The following BCL2 variants were observed in gnomAD, a reference collection of about 807,000 sequenced individuals.
BCL2 encodes the protein apoptosis regulator Bcl-2.
In BCL2, 1 loss-of-function variant was observed where a neutral mutation model predicts 14.2. That is an observed-to-expected ratio of 0.07 (90% CI 0.02 to 0.33). BCL2 has a LOEUF of 0.33. BCL2 is among the 10% of genes least tolerant of loss of function. The pLI is 0.99. For synonymous variants in BCL2, 151 were observed against 137.2 expected (o/e 1.10, Z -0.70); for missense variants, 247 against 305.9 (o/e 0.81, Z 1.44).
At chr18:63,161,889 C>T (rs551561462) in intron 2 of BCL2, 12 of 152,222 alleles carry the variant, frequency 7.9e-5, no homozygotes, top group Admixed American at 2.6e-4. Flanking sequence ...AAACATATTT[C>T]TTTCTCTATG....
At chr18:63,179,771 G>A (rs1915441037) in intron 2 of BCL2, among the ~76,000 whole-genome samples, 2 of 152,086 alleles carry the variant, frequency 1.3e-5, no homozygotes, top group Admixed American at 6.5e-5. Flanking sequence ...CCTACGGTGG[G>A]GATGATAATA....
At chr18:63,273,767 TC>T (rs1314483602) in intron 2 of BCL2, among the ~76,000 whole-genome samples, 4 of 152,128 alleles carry the variant, frequency 2.6e-5, no homozygotes, top group African/African-American at 9.7e-5. Context: ...GCCTGACTCC[TC>T]CCTCTTAAGG....
chr18:63,156,970 G>A (rs575265364), intron 2 of BCL2, among the ~76,000 whole-genome samples: 35 of 152,262 alleles, frequency 2.3e-4, no homozygotes, highest in African/African-American at 6.5e-4. Flanking sequence ...AGTAGCTACC[G>A]CAGCTACTCA....
intron 2 of BCL2, among the ~76,000 whole-genome samples, chr18:63,156,319 C>A (rs1914780975): frequency 6.6e-6 from 1 of 152,166 alleles, no homozygotes; most frequent in Non-Finnish European, 1.5e-5. Flanking sequence ...GAACTTAGAT[C>A]AATTGACATT....
intron 2 of BCL2, among the ~76,000 whole-genome samples, chr18:63,160,320 G>C (rs1321563231): frequency 6.6e-6 from 1 of 152,218 alleles, no homozygotes; most frequent in Non-Finnish European, 1.5e-5. Context: ...GGGCTTTTTA[G>C]CGACAGGCAC....
At chr18:63,308,028 A>G (rs1235790703) in intron 2 of BCL2, among the ~76,000 whole-genome samples, 2 of 152,238 alleles carry the variant, frequency 1.3e-5, no homozygotes, top group Admixed American at 1.3e-4. Flanking sequence ...ATGCTAACGG[A>G]TGAGGGTTCT....
intron 2 of BCL2, among the ~76,000 whole-genome samples, chr18:63,196,564 G>A (rs1258670869): frequency 6.6e-6 from 1 of 150,832 alleles, no homozygotes; most frequent in African/African-American, 2.4e-5. Context: ...TCTTTTTTTT[G>A]GCTTTGAAAT....
At chr18:63,199,048 A>G (rs865996454) in intron 2 of BCL2, among the ~76,000 whole-genome samples, 2 of 151,304 alleles carry the variant, frequency 1.3e-5, no homozygotes, top group Middle Eastern at 6.9e-3. Context: ...CAGACATACA[A>G]AAGACACACA....
intron 2 of BCL2, among the ~76,000 whole-genome samples, chr18:63,154,683 C>T (rs1914728908): frequency 6.6e-6 from 1 of 152,170 alleles, no homozygotes; most frequent in Non-Finnish European, 1.5e-5. Flanking sequence ...ACCAAGCCCC[C>T]ACCTCCCCAT....
chr18:63,132,028 G>A lies in BCL2; in HGVS notation c.586-3269C>T, dbSNP rs117221518. ...ACAGGCCATTTCTGATATGCATTAC[G>A]TAGAACAATGTCATTTCTAGAGTGA... On this transcript the variant is annotated intron_variant, in intron 2 of 2. Transcript: ENST00000333681. 4.2e-4 allele frequency among the ~76,000 whole-genome samples: 64 copies of A among 152,282 alleles called. 1 individual carries two copies. The East Asian group carries it at 0.011, about 25-fold the overall frequency.
chr18:63,265,786 C>T (rs1911807685), intron 2 of BCL2, among the ~76,000 whole-genome samples: 1 of 151,850 alleles, frequency 6.6e-6, no homozygotes, highest in Admixed American at 6.6e-5. Flanking sequence ...AAAGAGCCAA[C>T]GAATACTAAA....
chr18:63,190,242 C>T (rs550782441), intron 2 of BCL2, among the ~76,000 whole-genome samples: 10 of 152,164 alleles, frequency 6.6e-5, no homozygotes, highest in African/African-American at 2.4e-4. Context: ...TAATAATCTC[C>T]AAATTAACAA....
chr18:63,128,402 A>G lies in BCL2; in HGVS notation c.*223T>C, dbSNP rs1568210657. The G allele has an allele frequency of 2.4e-6, 1 of 421,720 alleles. No individual in the cohort carries two copies. Among genetic ancestry groups the G allele is most frequent in the Non-Finnish European group, 4.2e-6 (1 of 237,154 alleles). 26.1% of individuals were successfully genotyped at this position (421,720 alleles called of 1,614,324 possible). A position where few individuals can be genotyped will look rare whatever the true frequency, so the allele number is the denominator to read the frequency against. On this transcript the variant is annotated 3_prime_UTR_variant, in exon 3 of 3. Transcript: ENST00000333681. ...TTTTTCTTAATAATGTAAAAAATAA[A>G]TGATATTTCCCTTTGGCAGTAAATA...
intron 2 of BCL2, among the ~76,000 whole-genome samples, chr18:63,165,910 T>A (rs1009408910): frequency 6.6e-6 from 1 of 152,228 alleles, no homozygotes; most frequent in Admixed American, 6.5e-5. Flanking sequence ...AGACAGTCAT[T>A]GTCAAAAATC....
intron 2 of BCL2, among the ~76,000 whole-genome samples, chr18:63,264,237 C>T (rs1311270359): frequency 1.3e-5 from 2 of 152,084 alleles, no homozygotes; most frequent in African/African-American, 4.8e-5. Flanking sequence ...GTTTTATTTC[C>T]TCTAGTTTAT....
At chr18:63,268,217 G>GGT (rs1911892287) in intron 2 of BCL2, among the ~76,000 whole-genome samples, 1 of 152,172 alleles carries the variant, frequency 6.6e-6, no homozygotes, top group South Asian at 2.1e-4. Context: ...TATGCCTCAT[G>GGT]AGTGCTGTCT....
At chr18:63,161,691 G>A (rs867969969) in intron 2 of BCL2, among the ~76,000 whole-genome samples, 1 of 152,130 alleles carries the variant, frequency 6.6e-6, no homozygotes, top group Non-Finnish European at 1.5e-5. Context: ...ATACCCCCAA[G>A]TCCCAGCACA....
chr18:63,136,571 A>G (rs768723249), intron 2 of BCL2, among the ~76,000 whole-genome samples: 6 of 152,352 alleles, frequency 3.9e-5, no homozygotes, highest in Non-Finnish European at 5.9e-5. Context: ...TAAGGGGAGC[A>G]GGGAAGGGAG....
At chr18:63,171,769 G>A (rs529989120) in intron 2 of BCL2, among the ~76,000 whole-genome samples, 1 of 152,190 alleles carries the variant, frequency 6.6e-6, no homozygotes, top group Non-Finnish European at 1.5e-5. Flanking sequence ...GAGCCTTGAA[G>A]TTTGAGACTA....
Sources: gnomAD v4.1 joint callset for allele counts (sites outside exome capture counted in the v4.1 genomes callset) on GRCh38, gnomAD v4.1.1 for gene constraint, MANE v1.5 for transcripts, NCBI Gene and HGNC (gene_info 2026-07-23, HGNC 2026-07-21) for gene names.